FRMPD4: variants seen among roughly 807,000 people sequenced by gnomAD.
FRMPD4 encodes the protein FERM and PDZ domain-containing protein 4.
In FRMPD4, 22 loss-of-function variants were observed where a neutral mutation model predicts 94.1. That is an observed-to-expected ratio of 0.23 (90% CI 0.17 to 0.33). The LOEUF (loss-of-function observed/expected upper bound fraction) is 0.33. FRMPD4 is among the 10% of genes least tolerant of loss of function. FRMPD4 has a pLI of 1.00. For missense variants in FRMPD4, 1,111 were observed against 1,339.9 expected (o/e 0.83, Z 2.67); for synonymous variants, 631 against 548.6 (o/e 1.15, Z -2.10).
At chrX:11,886,794 T>C (rs1601822659) in intron 3 of FRMPD4, among the ~76,000 whole-genome samples, 1 of 111,162 alleles carries the variant, frequency 9.0e-6, no homozygotes, top group East Asian at 2.8e-4. Context: ...ATTTTAAAAA[T>C]CTGATAATTA....
intron 1 of FRMPD4, among the ~76,000 whole-genome samples, chrX:12,484,506 T>C (rs1173111461): frequency 8.9e-6 from 1 of 112,335 alleles, no homozygotes; most frequent in African/African-American, 3.2e-5. Context: ...TCAAACAAAA[T>C]GGCTGTCAGA....
intron 2 of FRMPD4, among the ~76,000 whole-genome samples, chrX:12,508,991 CA>C (rs770698547): frequency 0.032 from 970 of 30,406 alleles, 1 homozygote; most frequent in Admixed American, 0.075. Flanking sequence ...GACTCTGTCT[CA>C]AAAAAAAAAA....
chrX:12,031,245 A>G (rs1356994515), intron 3 of FRMPD4, among the ~76,000 whole-genome samples: 2 of 112,422 alleles, frequency 1.8e-5, no homozygotes, highest in African/African-American at 6.5e-5. Flanking sequence ...GAATACAAGC[A>G]TGCATCATCT....
chrX:12,206,555 G>T (rs780115972), intron 1 of FRMPD4, among the ~76,000 whole-genome samples: 3 of 111,996 alleles, frequency 2.7e-5, no homozygotes, highest in South Asian at 7.6e-4. Flanking sequence ...AGAAGCAGGG[G>T]CTACCCAGAA....
intron 1 of FRMPD4, among the ~76,000 whole-genome samples, chrX:12,292,235 G>A (rs898095104): frequency 1.8e-5 from 2 of 112,107 alleles, no homozygotes; most frequent in African/African-American, 6.5e-5. Flanking sequence ...GGAAGTAGCA[G>A]CAATTCTGAT....
chrX:11,884,045 GT>G (rs1184608488), intron 3 of FRMPD4, among the ~76,000 whole-genome samples: 1 of 111,592 alleles, frequency 9.0e-6, no homozygotes, highest in Non-Finnish European at 1.9e-5. Flanking sequence ...CTGTGGTGGA[GT>G]TGGGACAAGG....
At chrX:12,345,968 A>G (rs1340456638) in intron 1 of FRMPD4, among the ~76,000 whole-genome samples, 1 of 111,617 alleles carries the variant, frequency 9.0e-6, no homozygotes, top group Non-Finnish European at 1.9e-5. Flanking sequence ...AGCTTAAGAG[A>G]AATACTCTTA....
At chrX:12,146,909 C>T (rs747930425) in intron 1 of FRMPD4, among the ~76,000 whole-genome samples, 39 of 112,103 alleles carry the variant, frequency 3.5e-4, no homozygotes, top group Non-Finnish European at 6.4e-4. Context: ...GTTTCCTGCA[C>T]ATCAGTGTTC....
Position 12,154,505 on chromosome X carries a change from A to T in FRMPD4, c.41+15493A>T, listed in dbSNP as rs115844750. ...CAGAGGAGAGACGAAATAGAAGGGGATGTAGCCTCCTAGCCCTGCCCTTCC... is the reference window on the plus strand; with the variant it reads ...CAGAGGAGAGACGAAATAGAAGGGGTTGTAGCCTCCTAGCCCTGCCCTTCC... On this transcript the variant is annotated intron_variant, in intron 1 of 16. Transcript: ENST00000675598. 7.5e-3 allele frequency among the ~76,000 whole-genome samples: 837 copies of T among 112,273 alleles called. 8 individuals carry two copies. The highest frequency in any genetic ancestry group is 0.025 in the African/African-American group (786 of 30,932).
intron 1 of FRMPD4, among the ~76,000 whole-genome samples, chrX:11,833,145 C>T: frequency 8.9e-6 from 1 of 111,943 alleles, no homozygotes; most frequent in Non-Finnish European, 1.9e-5. Flanking sequence ...TTTAAATTTC[C>T]TCCTTGTCTT....
chrX:12,388,411 C>G (rs2056426866), intron 1 of FRMPD4, among the ~76,000 whole-genome samples: 1 of 110,366 alleles, frequency 9.1e-6, no homozygotes, highest in Admixed American at 9.6e-5. Flanking sequence ...TCGAGACCAG[C>G]CTGGCCAATA....
intron 1 of FRMPD4, among the ~76,000 whole-genome samples, chrX:12,301,981 T>G (rs2054867972): frequency 8.9e-6 from 1 of 112,159 alleles, no homozygotes; most frequent in Non-Finnish European, 1.9e-5. Flanking sequence ...AGCAGAGTAC[T>G]TCTTGCTTTA....
At chrX:12,607,014 T>C (rs1898648) in intron 2 of FRMPD4, among the ~76,000 whole-genome samples, 21,067 of 110,563 alleles carry the variant, frequency 0.19, 2,738 homozygotes, top group African/African-American at 0.46. Context: ...TTCCCACCCA[T>C]TGGGGTCCAC....
At chrX:12,667,562 T>TA (rs1330934355) in intron 4 of FRMPD4, among the ~76,000 whole-genome samples, 2 of 112,528 alleles carry the variant, frequency 1.8e-5, no homozygotes, top group Admixed American at 1.9e-4. Flanking sequence ...TATGCTGCTC[T>TA]AAAAAACAGA....
At chrX:12,314,943 G>A (rs2055091312) in intron 1 of FRMPD4, among the ~76,000 whole-genome samples, 2 of 112,108 alleles carry the variant, frequency 1.8e-5, no homozygotes, top group African/African-American at 6.5e-5. Flanking sequence ...CTGCTGGGTT[G>A]CCTAAAGAAA....
At chrX:12,216,604 A>G (rs766075577) in intron 1 of FRMPD4, among the ~76,000 whole-genome samples, 40 of 111,097 alleles carry the variant, frequency 3.6e-4, no homozygotes, top group African/African-American at 1.3e-3. Flanking sequence ...ACATCCACCC[A>G]CCTGTCTTTA....
chrX:12,014,624 T>C (rs371773495), intron 3 of FRMPD4, among the ~76,000 whole-genome samples: 3 of 111,620 alleles, frequency 2.7e-5, no homozygotes, highest in Middle Eastern at 4.6e-3. Context: ...TTAGAGATTT[T>C]TGTGCTTCAA....
intron 1 of FRMPD4, among the ~76,000 whole-genome samples, chrX:12,205,852 A>G (rs1213313314): frequency 1.8e-5 from 2 of 112,233 alleles, no homozygotes; most frequent in Non-Finnish European, 3.8e-5. Flanking sequence ...GTGCGCCGGC[A>G]CCATGTGGGC....
chrX:11,969,239 GCT>G (rs1291272551), intron 3 of FRMPD4, among the ~76,000 whole-genome samples: 1 of 112,458 alleles, frequency 8.9e-6, no homozygotes, highest in Admixed American at 9.3e-5. Context: ...CTGCTTCTCA[GCT>G]CTCTCAGTAT....
Sources: gnomAD v4.1 joint callset for allele counts (sites outside exome capture counted in the v4.1 genomes callset) on GRCh38, gnomAD v4.1.1 for gene constraint, MANE v1.5 for transcripts, NCBI Gene and HGNC (gene_info 2026-07-23, HGNC 2026-07-21) for gene names.